Variants in ACYP2 observed in about 807,000 individuals in gnomAD.
ACYP2 encodes the protein acylphosphatase 2.
Under a neutral mutation model 11.2 loss-of-function variants are expected in ACYP2, and 12 were observed. The observed-to-expected ratio is 1.08, with a 90% CI of 0.69 to 1.74. ACYP2 has a LOEUF of 1.74. Among genes scored for constraint, ACYP2 ranks in the 40% most tolerant of loss-of-function variants. The pLI, the probability that ACYP2 is intolerant of heterozygous loss-of-function variation, is 0.00. For synonymous variants in ACYP2, 43 were observed against 32.2 expected (o/e 1.33, Z -1.13); for missense variants, 134 against 101.9 (o/e 1.31, Z -1.35).
intron 6 of ACYP2, among the ~76,000 whole-genome samples, chr2:54,139,547 C>G (rs1681480689): frequency 6.6e-6 from 1 of 152,162 alleles, no homozygotes; most frequent in Admixed American, 6.5e-5. Context: ...TAAAAAATAG[C>G]TAACATTTAT....
chr2:54,291,043 T>G (rs1689283981), intron 6 of ACYP2, among the ~76,000 whole-genome samples: 1 of 152,148 alleles, frequency 6.6e-6, no homozygotes, highest in African/African-American at 2.4e-5. Context: ...GATTCTTAAC[T>G]TCCCCCTCAC....
chr2:54,043,357 G>A (rs1675348079), intron 2 of ACYP2, among the ~76,000 whole-genome samples: 1 of 152,134 alleles, frequency 6.6e-6, no homozygotes, highest in South Asian at 2.1e-4. Context: ...TGGGAATTAC[G>A]GATGCATTTT....
intron 6 of ACYP2, among the ~76,000 whole-genome samples, chr2:54,173,082 A>G (rs189886720): frequency 6.6e-6 from 1 of 152,350 alleles, no homozygotes; most frequent in Non-Finnish European, 1.5e-5. Context: ...TCGTTATGTC[A>G]AATGGTATTT....
intron 2 of ACYP2, among the ~76,000 whole-genome samples, chr2:54,010,746 T>TCC (rs1673319483): frequency 8.2e-6 from 1 of 122,376 alleles, no homozygotes; most frequent in Non-Finnish European, 1.8e-5. Context: ...TCTTTTTTTT[T>TCC]TTTTTTTTTT....
intron 6 of ACYP2, among the ~76,000 whole-genome samples, chr2:54,213,049 T>A (rs773551033): frequency 6.6e-6 from 1 of 152,156 alleles, no homozygotes; most frequent in Non-Finnish European, 1.5e-5. Flanking sequence ...ACTCAACTAA[T>A]GAGCCTAGTA....
chr2:54,010,368 C>T (rs1673291386), intron 2 of ACYP2, among the ~76,000 whole-genome samples: 1 of 151,964 alleles, frequency 6.6e-6, no homozygotes, highest in African/African-American at 2.4e-5. Context: ...CCTGTAATCC[C>T]AGCTACTCGG....
chr2:54,236,756 G>A (rs1392956950), intron 6 of ACYP2, among the ~76,000 whole-genome samples: 1 of 152,182 alleles, frequency 6.6e-6, no homozygotes, highest in African/African-American at 2.4e-5. Flanking sequence ...TGATATACCT[G>A]AGAGAGGTAT....
chr2:54,192,333 C>A (rs1440643446), intron 6 of ACYP2, among the ~76,000 whole-genome samples: 2 of 152,044 alleles, frequency 1.3e-5, no homozygotes, highest in African/African-American at 4.8e-5. Context: ...TCCCTAGTAT[C>A]CCTATATTTA....
intron 2 of ACYP2, among the ~76,000 whole-genome samples, chr2:54,048,553 C>T (rs1675651388): frequency 6.6e-6 from 1 of 152,186 alleles, no homozygotes; most frequent in Non-Finnish European, 1.5e-5. Context: ...TGTCACCCCA[C>T]TGGAGTGCAG....
intron 6 of ACYP2, among the ~76,000 whole-genome samples, chr2:54,201,472 A>G (rs1294095573): frequency 6.6e-6 from 1 of 152,040 alleles, no homozygotes; most frequent in Non-Finnish European, 1.5e-5. Flanking sequence ...GAACCTTATC[A>G]GATATAGAAT....
At chr2:54,114,489 GC>G (rs1262616767) in intron 4 of ACYP2, among the ~76,000 whole-genome samples, 24 of 151,618 alleles carry the variant, frequency 1.6e-4, no homozygotes, top group Non-Finnish European at 1.5e-5. Context: ...TTTGAGACTA[GC>G]CTGGACAACA....
rs1168322427 is a variant in ACYP2 at position 54,096,080 on chromosome 2, G to A, written c.277+38720G>A. On this transcript the variant is annotated intron_variant, in intron 4 of 6. Coordinates refer to ENST00000607452, the MANE Select transcript of ACYP2 (RefSeq NM_001320586.2). Reference sequence around the variant, plus strand: ...GACCCCCACCTCCCTCCCGGACGGGGTGGCTGCGGGGCGGAGACGCTCCTC... The same window carrying A: ...GACCCCCACCTCCCTCCCGGACGGGATGGCTGCGGGGCGGAGACGCTCCTC... 8.7e-5 allele frequency among the ~76,000 whole-genome samples: 12 copies of A among 138,294 alleles called. No individual in the cohort carries two copies. In the East Asian group the frequency reaches 2.4e-3, roughly 28 times the overall value. The allele number at this position is 138,294 out of a possible 152,430, so 90.7% of individuals were successfully genotyped here. A position where few individuals can be genotyped will look rare whatever the true frequency, so the allele number is the denominator to read the frequency against.
At chr2:54,007,235 A>G (rs1336304612) in intron 2 of ACYP2, among the ~76,000 whole-genome samples, 3 of 146,882 alleles carry the variant, frequency 2.0e-5, no homozygotes, top group African/African-American at 5.0e-5. Context: ...CCCTCCCATC[A>G]TCCTAATTTC....
intron 6 of ACYP2, among the ~76,000 whole-genome samples, chr2:54,200,697 A>G (rs1684717430): frequency 6.6e-6 from 1 of 152,222 alleles, no homozygotes; most frequent in Non-Finnish European, 1.5e-5. Context: ...GGCTATTACA[A>G]ATAATGCTGC....
intron 6 of ACYP2, among the ~76,000 whole-genome samples, chr2:54,290,185 C>T (rs1689238407): frequency 6.6e-6 from 1 of 152,042 alleles, no homozygotes; most frequent in South Asian, 2.1e-4. Flanking sequence ...CTGCCGCCGC[C>T]CCGCGATCAA....
At chr2:54,216,756 C>T (rs1172083270) in intron 6 of ACYP2, among the ~76,000 whole-genome samples, 1 of 152,158 alleles carries the variant, frequency 6.6e-6, no homozygotes, top group African/African-American at 2.4e-5. Flanking sequence ...AGGCTAGTCT[C>T]AAACTCTTGG....
chr2:54,195,650 AAC>A (rs201390249), intron 6 of ACYP2, among the ~76,000 whole-genome samples: 1,511 of 138,752 alleles, frequency 0.011, 62 homozygotes, highest in African/African-American at 0.037. Flanking sequence ...AAAAAAAAAA[AAC>A]AAAACACTGT....
intron 6 of ACYP2, among the ~76,000 whole-genome samples, chr2:54,288,588 G>GATGC (rs1248738662): frequency 1.3e-5 from 2 of 151,998 alleles, no homozygotes; most frequent in Non-Finnish European, 2.9e-5. Context: ...TACTATAAAT[G>GATGC]ATGCATGGTA....
In ACYP2 at chr2:54,138,718, T is replaced by G. The variant is rs763333498; in HGVS notation, c.374T>G (p.Val125Gly). 3 of 1,613,966 alleles carry G rather than the reference T, an allele frequency of 1.9e-6. No individual in the cohort carries two copies. Among genetic ancestry groups the G allele is most frequent in the Non-Finnish European group, 2.5e-6 (3 of 1,179,988 alleles). The stretch of plus-strand genomic sequence containing the variant: ...AGCAAAGGCACCGTGACAGGCCAAG[T>G]GCAGGGGCCAGAAGACAAAGTCAAT... The change falls in exon 6 of 7, where the codon GTG becomes GGG. Residue 125 changes from valine (V) to glycine (G), a missense_variant. Transcript: ENST00000607452.
Sources: gnomAD v4.1 joint callset for allele counts (sites outside exome capture counted in the v4.1 genomes callset) on GRCh38, gnomAD v4.1.1 for gene constraint, MANE v1.5 for transcripts, NCBI Gene and HGNC (gene_info 2026-07-23, HGNC 2026-07-21) for gene names.